The following GALNT14 variants were observed in gnomAD, a reference collection of about 807,000 sequenced individuals.
GALNT14 encodes polypeptide N-acetylgalactosaminyltransferase 14.
GALNT14 carries 60 observed loss-of-function variants against 77.5 expected under a neutral mutation model. That is an observed-to-expected ratio of 0.77 (90% CI 0.63 to 0.96). The LOEUF is 0.96. Among genes scored for constraint, GALNT14 ranks in the 40% least tolerant of loss-of-function variants. The pLI is 0.00. For missense variants in GALNT14, 710 were observed against 731.0 expected, an observed-to-expected ratio of 0.97 and a Z score of 0.33; for synonymous variants, 280 against 281.7, an observed-to-expected ratio of 0.99 and a Z score of 0.06.
intron 1 of GALNT14, among the ~76,000 whole-genome samples, chr2:31,054,809 T>C (rs191147248): frequency 6.6e-5 from 10 of 152,320 alleles, no homozygotes; most frequent in Admixed American, 2.6e-4. Context: ...AATCAGAAAC[T>C]GTAATTAGAA....
At chr2:31,136,641 G>A (rs1679239443) in intron 1 of GALNT14, among the ~76,000 whole-genome samples, 1 of 152,174 alleles carries the variant, frequency 6.6e-6, no homozygotes, top group Non-Finnish European at 1.5e-5. Context: ...ACAAAGCATT[G>A]GCAAGATTCC....
At chr2:30,953,967 C>G (rs1036206324) in intron 6 of GALNT14, among the ~76,000 whole-genome samples, 5 of 152,154 alleles carry the variant, frequency 3.3e-5, no homozygotes, top group African/African-American at 1.2e-4. Context: ...TTGGTGCCCC[C>G]ACTGGATTTG....
At chr2:31,038,137 CA>C (rs1213809161) in intron 1 of GALNT14, among the ~76,000 whole-genome samples, 2 of 131,202 alleles carry the variant, frequency 1.5e-5, no homozygotes, top group African/African-American at 6.0e-5. Flanking sequence ...CTCTGTCACC[CA>C]GGCTGGAGTG....
intron 1 of GALNT14, chr2:31,132,520 G>A: frequency 6.2e-6 from 2 of 320,768 alleles, no homozygotes; most frequent in South Asian, 2.5e-5. Flanking sequence ...CAACTGAAAG[G>A]ATGAGCATGC....
intron 1 of GALNT14, among the ~76,000 whole-genome samples, chr2:31,111,351 TG>T (rs887502469): frequency 5.9e-5 from 9 of 152,336 alleles, no homozygotes; most frequent in Admixed American, 5.2e-4. Context: ...TAGGCTTCGT[TG>T]CCATAATGCT....
chr2:30,956,513 TTTTG>T (rs1238133126), intron 4 of GALNT14, among the ~76,000 whole-genome samples: 1 of 152,190 alleles, frequency 6.6e-6, no homozygotes, highest in Non-Finnish European at 1.5e-5. Flanking sequence ...CTCATTTCTC[TTTTG>T]TTTGTTTTTG....
intron 9 of GALNT14, among the ~76,000 whole-genome samples, chr2:30,939,047 T>C (rs1666222098): frequency 2.0e-5 from 3 of 152,226 alleles, no homozygotes; most frequent in Non-Finnish European, 2.9e-5. Flanking sequence ...CCCATTCCCA[T>C]TCAGTCTCTG....
intron 6 of GALNT14, among the ~76,000 whole-genome samples, chr2:30,950,536 AAC>A (rs1429257025): frequency 6.6e-6 from 1 of 152,200 alleles, no homozygotes; most frequent in Non-Finnish European, 1.5e-5. Context: ...GACACCAGGA[AAC>A]ACAGGCTGAC....
At chr2:31,043,381 G>T (rs536082294) in intron 1 of GALNT14, among the ~76,000 whole-genome samples, 2 of 152,312 alleles carry the variant, frequency 1.3e-5, no homozygotes, top group South Asian at 4.1e-4. Flanking sequence ...AAATAAAAAT[G>T]AGTGGGGTTT....
chr2:31,065,744 A>C (rs531520567), intron 1 of GALNT14, among the ~76,000 whole-genome samples: 23 of 152,290 alleles, frequency 1.5e-4, no homozygotes, highest in Middle Eastern at 3.4e-3. Flanking sequence ...GGAGCCTCTG[A>C]CCTTGAGATA....
chr2:30,917,048 G>C (rs893588222), intron 13 of GALNT14, among the ~76,000 whole-genome samples: 1 of 122,196 alleles, frequency 8.2e-6, no homozygotes, highest in Non-Finnish European at 1.6e-5. Flanking sequence ...TTGCACTCCA[G>C]CCTGGGCAAA....
chr2:31,084,762 C>T (rs146553845), intron 1 of GALNT14, among the ~76,000 whole-genome samples: 3,408 of 152,286 alleles, frequency 0.022, 109 homozygotes, highest in African/African-American at 0.071. Context: ...AGTGGCTTCA[C>T]GCCTGTAATC....
At chr2:31,132,362 G>A (rs1679036967) in intron 1 of GALNT14, among the ~76,000 whole-genome samples, 1 of 152,100 alleles carries the variant, frequency 6.6e-6, no homozygotes, top group Non-Finnish European at 1.5e-5. Context: ...TTGACTACCT[G>A]GGATCCCAAC....
intron 1 of GALNT14, among the ~76,000 whole-genome samples, chr2:31,136,208 A>G (rs757932645): frequency 2.0e-5 from 3 of 152,070 alleles, no homozygotes; most frequent in Non-Finnish European, 4.4e-5. Context: ...ACCCTCTCCA[A>G]GAGTCCTCAC....
chr2:30,949,134 T>A (rs1286566669), intron 6 of GALNT14, among the ~76,000 whole-genome samples: 3 of 152,172 alleles, frequency 2.0e-5, no homozygotes, highest in Non-Finnish European at 4.4e-5. Context: ...AGAGGCTTTA[T>A]AATGAGTCAC....
intron 2 of GALNT14, among the ~76,000 whole-genome samples, chr2:30,967,630 T>C (rs1668090253): frequency 6.6e-6 from 1 of 152,158 alleles, no homozygotes; most frequent in Non-Finnish European, 1.5e-5. Context: ...TTTCTCACCA[T>C]GTCCTTTTGC....
chr2:30,891,665 T>C, the GALNT14 span, among the ~76,000 whole-genome samples: 1 of 152,136 alleles, frequency 6.6e-6, no homozygotes, highest in Non-Finnish European at 1.5e-5. Flanking sequence ...AGAATAGCAG[T>C]GTCTGTGTGA....
At chr2:31,115,905 T>C (rs927821890) in intron 1 of GALNT14, among the ~76,000 whole-genome samples, 24 of 152,184 alleles carry the variant, frequency 1.6e-4, no homozygotes, top group Non-Finnish European at 2.9e-4. Flanking sequence ...AACTTAGTCC[T>C]AGCTACTTGA....
At chr2:30,948,265 T>C (rs1029552666) in intron 6 of GALNT14, among the ~76,000 whole-genome samples, 2 of 152,264 alleles carry the variant, frequency 1.3e-5, no homozygotes, top group African/African-American at 2.4e-5. Context: ...GTGACTCTTA[T>C]GCAATAAAGG....
Sources: allele counts gnomAD v4.1 joint callset (sites outside exome capture counted in the v4.1 genomes callset), GRCh38; gene constraint gnomAD v4.1.1; transcripts MANE v1.5; gene names NCBI Gene and HGNC (gene_info 2026-07-23, HGNC 2026-07-21).